Variants in NOL4 observed in about 807,000 individuals in gnomAD.
The protein encoded by NOL4 is cancer/testis antigen 125.
Under a neutral mutation model 75.9 loss-of-function variants are expected in NOL4, and 17 were observed. The ratio of observed to expected loss-of-function variants is 0.22; its 90% CI spans 0.15 to 0.34. The LOEUF (loss-of-function observed/expected upper bound fraction) is 0.34, where lower values mean the gene tolerates loss of function less well. Among genes scored for constraint, NOL4 ranks in the 10% least tolerant of loss-of-function variants. NOL4 has a pLI of 1.00. For synonymous variants in NOL4, 292 were observed against 289.9 expected (o/e 1.01, Z -0.07); for missense variants, 614 against 793.5 (o/e 0.77, Z 2.72).
intron 5 of NOL4, among the ~76,000 whole-genome samples, chr18:34,026,102 T>C (rs1352018304): frequency 6.6e-6 from 1 of 152,202 alleles, no homozygotes; most frequent in African/African-American, 2.4e-5. Context: ...TACCTGCTCC[T>C]TTATCTAACA....
intron 6 of NOL4, among the ~76,000 whole-genome samples, chr18:33,982,946 C>T (rs1199112100): frequency 6.6e-6 from 1 of 151,836 alleles, no homozygotes; most frequent in Non-Finnish European, 1.5e-5. Context: ...GATGGGGTTT[C>T]ACCATGTTGG....
At position 34,197,560 on chromosome 18, in the gene NOL4, C is replaced by T. The variant is rs112406037; in HGVS notation, c.264+25430G>A. ...AGTGGAGTTTATCTCATGGGAATTA[C>T]AGGATTTAATCAAATAATCACACTA... On this transcript the variant is annotated intron_variant, in intron 1 of 10. Transcript: ENST00000261592. Among the ~76,000 whole-genome samples, 1,136 of 152,004 alleles carry T rather than the reference C, an allele frequency of 7.5e-3. 7 individuals are homozygous for T. The highest frequency in any genetic ancestry group is 0.01 in the Non-Finnish European group (710 of 67,886).
intron 9 of NOL4, among the ~76,000 whole-genome samples, chr18:33,897,591 C>T (rs1315840808): frequency 1.3e-5 from 2 of 152,018 alleles, no homozygotes; most frequent in Non-Finnish European, 2.9e-5. Flanking sequence ...AAGAAGGAAA[C>T]AGACACTGGG....
Position 33,873,019 on chromosome 18 carries a change from G to T in NOL4, c.1723+10225C>A, listed in dbSNP as rs138592240. Among the ~76,000 whole-genome samples the T allele has an allele frequency of 6.8e-3, 1,037 of 151,972 alleles. 14 individuals are homozygous for T. Among genetic ancestry groups the T allele is most frequent in the African/African-American group, 0.023 (951 of 41,492 alleles). On this transcript the variant is annotated intron_variant, in intron 10 of 10. Coordinates refer to ENST00000261592, the MANE Select transcript of NOL4 (RefSeq NM_003787.5). Reference sequence around the variant, plus strand: ...AGAATGTGCTTTGACAACTCACTCAGGTTTCATTGGACCTCCTTGGATATA... The same window carrying T: ...AGAATGTGCTTTGACAACTCACTCATGTTTCATTGGACCTCCTTGGATATA...
At chr18:33,869,149 A>G (rs2063574222) in intron 10 of NOL4, among the ~76,000 whole-genome samples, 1 of 151,848 alleles carries the variant, frequency 6.6e-6, no homozygotes. Context: ...ATAATTATAA[A>G]ATAATATTAC....
At chr18:34,055,202 G>C (rs1382538671) in intron 5 of NOL4, among the ~76,000 whole-genome samples, 11 of 151,616 alleles carry the variant, frequency 7.3e-5, no homozygotes, top group Non-Finnish European at 1.3e-4. Context: ...AATAATACTA[G>C]TTCCTATATG....
chr18:33,997,329 G>A (rs2073366730), intron 6 of NOL4, among the ~76,000 whole-genome samples: 1 of 151,772 alleles, frequency 6.6e-6, no homozygotes, highest in African/African-American at 2.4e-5. Flanking sequence ...TTGTTGAATG[G>A]GGTGTCTGTT....
chr18:34,122,979 A>G (rs1455983085), intron 2 of NOL4, among the ~76,000 whole-genome samples: 1 of 152,140 alleles, frequency 6.6e-6, no homozygotes, highest in Non-Finnish European at 1.5e-5. Context: ...GGCTGTCATA[A>G]ACAACTAATG....
At chr18:34,094,029 G>A (rs932550579) in intron 4 of NOL4, among the ~76,000 whole-genome samples, 2 of 152,008 alleles carry the variant, frequency 1.3e-5, no homozygotes, top group East Asian at 3.9e-4. Flanking sequence ...GCAACAGAGC[G>A]AGACTCGTCT....
At chr18:33,893,921 A>G (rs2065245718) in intron 9 of NOL4, among the ~76,000 whole-genome samples, 1 of 152,124 alleles carries the variant, frequency 6.6e-6, no homozygotes, top group African/African-American at 2.4e-5. Context: ...CAAGTGGATA[A>G]TGAAGGCCTC....
intron 6 of NOL4, 127 bp from the exon 7 acceptor site, chr18:33,958,545 G>A (rs1408485579): frequency 1.5e-6 from 1 of 652,576 alleles, no homozygotes; most frequent in Non-Finnish European, 2.3e-6. Context: ...TAGAGCTGTG[G>A]TGATTTTAGT....
chr18:34,002,264 T>C (rs963687863), intron 6 of NOL4, among the ~76,000 whole-genome samples: 4 of 152,018 alleles, frequency 2.6e-5, no homozygotes, highest in Admixed American at 1.3e-4. Flanking sequence ...TTTTTTCCAG[T>C]AGCCCCCCCA....
At chr18:33,894,724 T>A (rs2065294622) in intron 9 of NOL4, among the ~76,000 whole-genome samples, 1 of 152,162 alleles carries the variant, frequency 6.6e-6, no homozygotes, top group African/African-American at 2.4e-5. Context: ...TACATGATTT[T>A]ATTAACAATA....
At position 34,223,424 on chromosome 18, in the gene NOL4, T is replaced by G. The variant is rs967571846; in HGVS notation, c.-171A>C. 1.2e-5 allele frequency: 10 copies of G among 854,738 alleles called. No individual in the cohort carries two copies. Among genetic ancestry groups the G allele is most frequent in the South Asian group, 8.9e-5 (5 of 56,386 alleles). 52.9% of individuals were successfully genotyped at this position (854,738 alleles called of 1,614,324 possible). A position where few individuals can be genotyped will look rare whatever the true frequency, so the allele number is the denominator to read the frequency against. ...ATGGGAAGAGGGGAGGAGGGTCCGG[T>G]TGGGCACCAGCAATCAATGCCCCGT... On this transcript the variant is annotated 5_prime_UTR_variant, in exon 1 of 11. Coordinates refer to ENST00000261592, the MANE Select transcript of NOL4 (RefSeq NM_003787.5).
intron 9 of NOL4, among the ~76,000 whole-genome samples, chr18:33,940,449 A>C (rs1003242149): frequency 1.3e-5 from 2 of 151,994 alleles, no homozygotes; most frequent in African/African-American, 4.8e-5. Flanking sequence ...CTAACACAAG[A>C]ACAGCAAACC....
intron 2 of NOL4, among the ~76,000 whole-genome samples, chr18:34,125,180 T>C (rs912026248): frequency 1.3e-5 from 2 of 152,180 alleles, no homozygotes; most frequent in Non-Finnish European, 2.9e-5. Flanking sequence ...TGAGTTCTAA[T>C]TGTAAAACTT....
At chr18:33,944,468 T>C (rs1456317777) in intron 8 of NOL4, among the ~76,000 whole-genome samples, 1 of 151,846 alleles carries the variant, frequency 6.6e-6, no homozygotes, top group Non-Finnish European at 1.5e-5. Flanking sequence ...TAGGAAGCAA[T>C]TTCTGCAGCT....
intron 1 of NOL4, among the ~76,000 whole-genome samples, chr18:34,179,849 CAGAACTGTA>C (rs1277568061): frequency 6.6e-6 from 1 of 151,416 alleles, no homozygotes; most frequent in Non-Finnish European, 1.5e-5. Flanking sequence ...TCCCAGACTT[CAGAACTGTA>C]AGATATAAAT....
rs1320219782 is a variant in NOL4, at chr18:33,932,264, G to T, written c.1542+10801C>A. Among the ~76,000 whole-genome samples, 4 of 151,570 alleles carry T rather than the reference G, an allele frequency of 2.6e-5. 1 individual carries two copies. The highest frequency in any genetic ancestry group is 9.7e-5 in the African/African-American group (4 of 41,252). ...CCATATATAACATTAATTATAAATT[G>T]CACTTCAGGTCTTAAGGTAGGGCAT... On this transcript the variant is annotated intron_variant, in intron 9 of 10. Transcript: ENST00000261592.
Sources: gnomAD v4.1 joint callset for allele counts (sites outside exome capture counted in the v4.1 genomes callset) on GRCh38, gnomAD v4.1.1 for gene constraint, MANE v1.5 for transcripts, NCBI Gene and HGNC (gene_info 2026-07-23, HGNC 2026-07-21) for gene names.